Variants in EDEM3 observed in about 807,000 individuals in gnomAD.
The protein encoded by EDEM3 is ER degradation enhancing alpha-mannosidase like protein 3, also known as ER degradation-enhancing alpha-mannosidase-like protein 3.
In EDEM3, 60 loss-of-function variants were observed where a neutral mutation model predicts 110.2. The ratio of observed to expected loss-of-function variants is 0.54; its 90% CI spans 0.44 to 0.67. The LOEUF is 0.67. EDEM3 is among the 30% of genes least tolerant of loss of function. The pLI is 0.00. For synonymous variants in EDEM3, 352 were observed against 382.9 expected (o/e 0.92, Z 0.94); for missense variants, 996 against 1,121.0 (o/e 0.89, Z 1.59).
chr1:184,713,082 A>G (rs560528850), intron 13 of EDEM3, among the ~76,000 whole-genome samples: 5 of 152,296 alleles, frequency 3.3e-5, no homozygotes, highest in Admixed American at 3.3e-4. Flanking sequence ...CCTGGCCAAC[A>G]TGGTGAAACC....
At chr1:184,704,680 A>AAAAAAAAATT (rs34995945) in intron 18 of EDEM3, among the ~76,000 whole-genome samples, 1 of 145,350 alleles carries the variant, frequency 6.9e-6, no homozygotes, top group African/African-American at 2.6e-5. Flanking sequence ...AAAAAAAAAA[A>AAAAAAAAATT]TTTCTGAGAG....
chr1:184,738,650 G>T (rs374807590), intron 2 of EDEM3, among the ~76,000 whole-genome samples: 1 of 152,134 alleles, frequency 6.6e-6, no homozygotes, highest in South Asian at 2.1e-4. Context: ...CATAGGAAAT[G>T]ATCAATAGTT....
chr1:184,731,400 C>A (rs1276646418), intron 6 of EDEM3, among the ~76,000 whole-genome samples: 1 of 152,216 alleles, frequency 6.6e-6, no homozygotes, highest in Admixed American at 6.5e-5. Context: ...TATTTACTTT[C>A]ACCTACTTTG....
At chr1:184,709,503 A>C (rs1650109390) in intron 16 of EDEM3, among the ~76,000 whole-genome samples, 1 of 152,224 alleles carries the variant, frequency 6.6e-6, no homozygotes, top group Admixed American at 6.5e-5. Context: ...TTTGTTTCTG[A>C]AATATCCTGG....
In EDEM3 at chr1:184,700,160, A is replaced by G. The variant is rs1230062297; in HGVS notation, c.2389+2651T>C. ...AATGCTTTTTGGCTTCTAAATGTGT[A>G]TTAAGATGACCAGAAAATTTCTGCT... On this transcript the variant is annotated intron_variant, in intron 19 of 19. Coordinates refer to ENST00000318130, the MANE Select transcript of EDEM3 (RefSeq NM_025191.4). Among the ~76,000 whole-genome samples the G allele has an allele frequency of 3.3e-5, 5 of 152,102 alleles. No individual in the cohort carries two copies. In the South Asian group the frequency reaches 6.2e-4, roughly 19 times the overall value.
Position 184,742,172 on chromosome 1 carries a change from A to AG in EDEM3, c.205-4462dup, listed in dbSNP as rs201797585. ...AGGGAAGGAAAAAATACACACAGAA[A>AG]GGGGGGGAAATAACTTTCAAAGCAG... is the stretch of plus-strand genomic sequence containing the variant. On this transcript the variant is annotated intron_variant, in intron 2 of 19. Transcript: ENST00000318130. Among the ~76,000 whole-genome samples the AG allele has an allele frequency of 2.8e-3, 432 of 152,182 alleles. 5 individuals carry two copies. In the East Asian group the frequency reaches 0.036, roughly 13 times the overall value.
In EDEM3 at chr1:184,754,765, G is replaced by A; in HGVS notation, c.-119C>T. On this transcript the variant is annotated 5_prime_UTR_variant, in exon 1 of 20. Coordinates refer to ENST00000318130, the MANE Select transcript of EDEM3 (RefSeq NM_025191.4). ...GACGGGGCGGGATGCGGAGTAACAC[G>A]GACGGCCGCCGGCGCCAAACTGTTT... 2.9e-6 allele frequency: 4 copies of A among 1,375,574 alleles called. No homozygotes were observed. In the South Asian group the frequency reaches 4.8e-5, roughly 16 times the overall value. 85.2% of individuals were successfully genotyped at this position (1,375,574 alleles called of 1,614,324 possible). A position where few individuals can be genotyped will look rare whatever the true frequency, so the allele number is the denominator to read the frequency against.
intron 18 of EDEM3, among the ~76,000 whole-genome samples, chr1:184,704,971 G>A (rs1649837220): frequency 1.3e-5 from 2 of 151,984 alleles, no homozygotes; most frequent in African/African-American, 4.8e-5. Flanking sequence ...TCGGGAGACT[G>A]AGGCAGGGAG....
At position 184,704,472 on chromosome 1, in the gene EDEM3, G is replaced by A. The variant is rs150680798; in HGVS notation, c.2204-1476C>T. On this transcript the variant is annotated intron_variant, in intron 18 of 19. Coordinates refer to ENST00000318130, the MANE Select transcript of EDEM3 (RefSeq NM_025191.4). ...TTGAGACCAACTTGGCCAACACAGC[G>A]AAACCCCTTCTCTACTAAAAATACA... Among the ~76,000 whole-genome samples the A allele has an allele frequency of 9.6e-3, 1,449 of 150,872 alleles. 10 individuals are homozygous for A. The highest frequency in any genetic ancestry group is 0.017 in the Middle Eastern group (5 of 294).
At chr1:184,745,686 T>C (rs147142365) in intron 2 of EDEM3, among the ~76,000 whole-genome samples, 362 of 152,284 alleles carry the variant, frequency 2.4e-3, no homozygotes, top group African/African-American at 8.0e-3. Flanking sequence ...TTGGTTTGAT[T>C]AATAAAGACT....
At chr1:184,740,371 T>C (rs1652069122) in intron 2 of EDEM3, among the ~76,000 whole-genome samples, 2 of 152,176 alleles carry the variant, frequency 1.3e-5, no homozygotes, top group South Asian at 4.1e-4. Flanking sequence ...TACAAATTTG[T>C]TACACACCCA....
intron 18 of EDEM3, among the ~76,000 whole-genome samples, chr1:184,703,943 A>G (rs764948491): frequency 6.6e-6 from 1 of 152,192 alleles, no homozygotes; most frequent in Admixed American, 6.5e-5. Flanking sequence ...AAGAGAGAGA[A>G]GGCTGGTGAG....
chr1:184,737,811 C>T, intron 2 of EDEM3, 100 bp from the exon 3 acceptor site: 3 of 994,540 alleles, frequency 3.0e-6, no homozygotes, highest in Non-Finnish European at 2.9e-6. Flanking sequence ...AAATAATAGT[C>T]AAAAGTTGTA....
intron 1 of EDEM3, among the ~76,000 whole-genome samples, chr1:184,751,855 C>T (rs1015470743): frequency 2.6e-5 from 4 of 152,158 alleles, no homozygotes; most frequent in East Asian, 1.9e-4. Context: ...CAGGTTCAAG[C>T]GATTCTTCCT....
chr1:184,731,392 T>C (rs1651508236), intron 6 of EDEM3, among the ~76,000 whole-genome samples: 1 of 152,236 alleles, frequency 6.6e-6, no homozygotes, highest in South Asian at 2.1e-4. Context: ...TTCATTCCTA[T>C]TTACTTTCAC....
rs766116854 is a variant in EDEM3 at position 184,694,152 on chromosome 1, C to A, written c.2710G>T (p.Gly904Cys). The A allele has an allele frequency of 6.2e-7, 1 of 1,613,282 alleles. No homozygotes were observed. Among genetic ancestry groups the A allele is most frequent in the Non-Finnish European group, 8.5e-7 (1 of 1,179,578 alleles). ...EEDSNPNVSW[G>C]KKVQPIDSIL... ...GAGTCTATAGGCTGGACCTTTTTAC[C>A]CCAGCTAACATTAGGATTGGAATCT... The change falls in exon 20 of 20, where the codon GGT (glycine) becomes TGT (cysteine). Residue 904 changes from glycine to cysteine, a missense_variant. By Grantham distance (159) the Gly-to-Cys change is radical. Transcript: ENST00000318130.
intron 6 of EDEM3, 45 bp downstream of exon 6, chr1:184,732,792 A>G (rs115588906): frequency 6.4e-7 from 1 of 1,562,728 alleles, no homozygotes; most frequent in Non-Finnish European, 8.7e-7. Context: ...TTTGTAAAAC[A>G]GCAAAGAAAG....
intron 5 of EDEM3, among the ~76,000 whole-genome samples, chr1:184,734,272 C>T (rs925246378): frequency 6.6e-6 from 1 of 152,152 alleles, no homozygotes; most frequent in Admixed American, 6.5e-5. Context: ...CATTCGGGAC[C>T]AGCCTGGCCA....
chr1:184,696,241 T>C (rs553363875), intron 19 of EDEM3, among the ~76,000 whole-genome samples: 1 of 152,064 alleles, frequency 6.6e-6, no homozygotes, highest in South Asian at 2.1e-4. Context: ...GGACTTTATC[T>C]AGATACTATG....
Sources: gnomAD v4.1 joint callset for allele counts (sites outside exome capture counted in the v4.1 genomes callset) on GRCh38, gnomAD v4.1.1 for gene constraint, MANE v1.5 for transcripts, NCBI Gene and HGNC (gene_info 2026-07-23, HGNC 2026-07-21) for gene names.